INVS: variants seen among roughly 807,000 people sequenced by gnomAD.
INVS encodes inversion of embryo turning homolog.
Under a neutral mutation model 108.8 loss-of-function variants are expected in INVS, and 86 were observed. The ratio of observed to expected loss-of-function variants is 0.79; its 90% confidence interval spans 0.66 to 0.95. The LOEUF (loss-of-function observed/expected upper bound fraction) is 0.95. Among genes scored for constraint, INVS ranks in the 40% least tolerant of loss-of-function variants. The pLI is 0.00. For synonymous variants in INVS, 455 were observed against 473.5 expected (o/e 0.96, Z 0.51); for missense variants, 1,169 against 1,297.4 (o/e 0.90, Z 1.52).
chr9:100,187,564 T>C (rs1399231647), intron 3 of INVS, among the ~76,000 whole-genome samples: 1 of 140,190 alleles, frequency 7.1e-6, no homozygotes, highest in East Asian at 1.9e-4. Flanking sequence ...TCTCACTCTG[T>C]CACCCAGGCT....
At chr9:100,156,713 A>C (rs1434073722) in intron 3 of INVS, among the ~76,000 whole-genome samples, 1 of 151,944 alleles carries the variant, frequency 6.6e-6, no homozygotes, top group African/African-American at 2.4e-5. Flanking sequence ...AACTATATTG[A>C]TTTCTGGTTT....
intron 3 of INVS, among the ~76,000 whole-genome samples, chr9:100,189,462 T>A (rs1403629314): frequency 6.6e-6 from 1 of 152,122 alleles, no homozygotes; most frequent in Non-Finnish European, 1.5e-5. Flanking sequence ...AAGAATTTTT[T>A]AATTTCCATC....
intron 3 of INVS, among the ~76,000 whole-genome samples, chr9:100,142,781 T>C (rs1303932844): frequency 6.6e-6 from 1 of 152,190 alleles, no homozygotes; most frequent in African/African-American, 2.4e-5. Flanking sequence ...AGCCGCTGCA[T>C]GCAGACATGA....
intron 3 of INVS, among the ~76,000 whole-genome samples, chr9:100,208,127 T>A (rs1830729944): frequency 6.6e-6 from 1 of 152,222 alleles, no homozygotes; most frequent in Non-Finnish European, 1.5e-5. Context: ...TTGCTTCTCT[T>A]AGTTTCAAAT....
chr9:100,194,614 T>C (rs1830320008), intron 3 of INVS, among the ~76,000 whole-genome samples: 1 of 152,190 alleles, frequency 6.6e-6, no homozygotes, highest in African/African-American at 2.4e-5. Context: ...CAAATTTAAA[T>C]AGAAGTGATT....
At chr9:100,117,709 T>C in intron 2 of INVS, 1 of 578,284 alleles carries the variant, frequency 1.7e-6, no homozygotes, top group East Asian at 2.9e-5. Flanking sequence ...TTATGATACG[T>C]TTTGAGGTAA....
chr9:100,110,924 T>A (rs1212506027), intron 2 of INVS, among the ~76,000 whole-genome samples: 2 of 152,236 alleles, frequency 1.3e-5, no homozygotes, highest in Non-Finnish European at 2.9e-5. Flanking sequence ...ATTATTATTC[T>A]CATTTTGCAT....
At chr9:100,200,834 A>G (rs1440608649) in intron 3 of INVS, among the ~76,000 whole-genome samples, 1 of 152,138 alleles carries the variant, frequency 6.6e-6, no homozygotes, top group Non-Finnish European at 1.5e-5. Context: ...CTTTTATTCC[A>G]TCATTTTAAT....
chr9:100,195,226 AT>A (rs1422385591), intron 3 of INVS, among the ~76,000 whole-genome samples: 1 of 152,190 alleles, frequency 6.6e-6, no homozygotes, highest in Non-Finnish European at 1.5e-5. Flanking sequence ...CTTTCTTTTG[AT>A]TCTAGTTCGC....
At position 100,164,407 on chromosome 9, in the gene INVS, GTT is replaced by G. The variant is rs140877027; in HGVS notation, c.273+37867_273+37868del. Among the ~76,000 whole-genome samples, 660 of 149,872 alleles carry G rather than the reference GTT, an allele frequency of 4.4e-3. 4 individuals carry two copies. Among genetic ancestry groups the G allele is most frequent in the African/African-American group, 0.015 (634 of 41,112 alleles). On this transcript the variant is annotated intron_variant, in intron 3 of 16. Transcript: ENST00000262457. ...GAAGAGTCAATGACTTTGACACTAAGTTTTTTTTTTAAGCCTCATTTTTTAAA... is the reference window on the plus strand; with the variant it reads ...GAAGAGTCAATGACTTTGACACTAAGTTTTTTTTAAGCCTCATTTTTTAAA...
In INVS at chr9:100,262,914, A is replaced by T. The variant is rs576594316; in HGVS notation, c.1465-1908A>T. 4.0e-5 allele frequency among the ~76,000 whole-genome samples: 6 copies of T among 151,862 alleles called. No individual in the cohort carries two copies. In the East Asian group the frequency reaches 7.8e-4, roughly 20 times the overall value. On this transcript the variant is annotated intron_variant, in intron 10 of 16. Transcript: ENST00000262457. ...GGTGCACACCACCACACCTGGCTAA[A>T]TTTTTTGTATTTTTAGTAGAGAAGG...
At chr9:100,192,516 T>A (rs776758528) in intron 3 of INVS, among the ~76,000 whole-genome samples, 4 of 152,148 alleles carry the variant, frequency 2.6e-5, no homozygotes, top group East Asian at 1.9e-4. Flanking sequence ...ACTGAAAAAA[T>A]TAACACTCTT....
intron 3 of INVS, among the ~76,000 whole-genome samples, chr9:100,225,142 C>T (rs950247922): frequency 1.3e-4 from 19 of 151,206 alleles, no homozygotes; most frequent in Admixed American, 7.9e-4. Flanking sequence ...ACTGCAAGCT[C>T]CGCCTCCCAG....
At chr9:100,151,270 G>A (rs1828798857) in intron 3 of INVS, among the ~76,000 whole-genome samples, 1 of 152,096 alleles carries the variant, frequency 6.6e-6, no homozygotes, top group African/African-American at 2.4e-5. Flanking sequence ...GAGCCCAAGA[G>A]TTTGAGACCA....
chr9:100,152,831 A>G (rs1392219856), intron 3 of INVS, among the ~76,000 whole-genome samples: 1 of 152,184 alleles, frequency 6.6e-6, no homozygotes, highest in Non-Finnish European at 1.5e-5. Flanking sequence ...TTCAGAAGAT[A>G]TGGTTTGGGT....
At chr9:100,197,111 AAGTCAAGG>A (rs1353194326) in intron 3 of INVS, among the ~76,000 whole-genome samples, 1 of 152,172 alleles carries the variant, frequency 6.6e-6, no homozygotes, top group Non-Finnish European at 1.5e-5. Context: ...CACCAGTTAC[AAGTCAAGG>A]CCCCCTGAAC....
chr9:100,287,246 T>C (rs754842492), intron 13 of INVS, among the ~76,000 whole-genome samples: 9 of 152,202 alleles, frequency 5.9e-5, no homozygotes, highest in Admixed American at 1.3e-4. Flanking sequence ...TTCCTTACAT[T>C]GTGGTCTCAG....
chr9:100,233,980 G>A (rs969281134), intron 5 of INVS, among the ~76,000 whole-genome samples: 10 of 152,142 alleles, frequency 6.6e-5, no homozygotes, highest in Non-Finnish European at 1.3e-4. Flanking sequence ...GTAGAATTTG[G>A]CTGTGAATCC....
chr9:100,144,813 A>G (rs546489155), intron 3 of INVS, among the ~76,000 whole-genome samples: 1 of 152,150 alleles, frequency 6.6e-6, no homozygotes, highest in Admixed American at 6.5e-5. Context: ...AAGACTGGAA[A>G]GACTCAGCGA....
Sources: gnomAD v4.1 joint callset for allele counts (sites outside exome capture counted in the v4.1 genomes callset) on GRCh38, gnomAD v4.1.1 for gene constraint, MANE v1.5 for transcripts, NCBI Gene and HGNC (gene_info 2026-07-23, HGNC 2026-07-21) for gene names.